Variants in RFT1 observed in about 807,000 individuals in gnomAD.
The protein encoded by RFT1 is RFT1 glycolipid translocator homolog, also known as man(5)GlcNAc(2)-PP-dolichol translocation protein RFT1.
A neutral mutation model predicts 62.2 loss-of-function variants in RFT1; 43 were observed. The ratio of observed to expected loss-of-function variants is 0.69; its 90% confidence interval spans 0.54 to 0.89. RFT1 has a LOEUF of 0.89. RFT1 is among the 40% of genes least tolerant of loss of function. The pLI is 0.00. For synonymous variants in RFT1, 262 were observed against 264.6 expected (o/e 0.99, Z 0.10); for missense variants, 605 against 649.9 (o/e 0.93, Z 0.75).
In RFT1 at chr3:53,128,527, T is replaced by C. The variant is rs562573220; in HGVS notation, c.63+1811A>G. On this transcript the variant is annotated intron_variant, in intron 1 of 12. Transcript: ENST00000296292. ...TCTGCAAAGAACTTTACAGCTTTTG[T>C]TTTAAGACAGGGTCTCACTCTGTTG... Among the ~76,000 whole-genome samples the C allele has an allele frequency of 2.6e-5, 4 of 152,284 alleles. 1 individual carries two copies. Among genetic ancestry groups the C allele is most frequent in the African/African-American group, 9.6e-5 (4 of 41,560 alleles).
chr3:53,103,611 C>T (rs964223516), intron 10 of RFT1: 8 of 365,636 alleles, frequency 2.2e-5, no homozygotes, highest in South Asian at 4.6e-5. Context: ...GACTCATTAC[C>T]GTCTGCCCTC....
chr3:53,129,200 A>G (rs555465446), intron 1 of RFT1, among the ~76,000 whole-genome samples: 1 of 152,356 alleles, frequency 6.6e-6, no homozygotes, highest in East Asian at 1.9e-4. Flanking sequence ...CATGCTTTCC[A>G]TAGGTTATCT....
At chr3:53,106,717 T>C in intron 8 of RFT1, 102 bp downstream of exon 8, 1 of 891,888 alleles carries the variant, frequency 1.1e-6, no homozygotes, top group Non-Finnish European at 1.8e-6. Flanking sequence ...TTTTCTTTAA[T>C]CTTCAGGTTC....
intron 6 of RFT1, 40 bp downstream of exon 6, chr3:53,119,844 C>T (rs1200234811): frequency 1.4e-5 from 21 of 1,543,874 alleles, no homozygotes; most frequent in African/African-American, 9.6e-5. Flanking sequence ...TAAGCAGCAC[C>T]TATGATTAAA....
chr3:53,113,918 G>A (rs1701720145), intron 6 of RFT1, among the ~76,000 whole-genome samples: 1 of 152,170 alleles, frequency 6.6e-6, no homozygotes, highest in Non-Finnish European at 1.5e-5. Context: ...CAGACACAGG[G>A]AGTGCAAGTG....
rs1357221048 is a variant in RFT1, at chr3:53,105,763, G to A, written c.867C>T (p.Ala289=). ...DIVNNLGSLV[A]RLIFQPIEES... ...CCTCTATTGGCTGGAAAATTAATCT[G>A]GCCACAAGGGAGCCAAGATTATTCA... Residue 289 remains alanine (A), a synonymous_variant, in exon 9 of 13, where the codon GCC becomes GCT. Coordinates refer to ENST00000296292, the MANE Select transcript of RFT1 (RefSeq NM_052859.4). The A allele has an allele frequency of 6.2e-7, 1 of 1,613,462 alleles. No homozygotes were observed. The highest frequency in any genetic ancestry group is 1.3e-5 in the African/African-American group (1 of 74,828).
chr3:53,092,560 T>A lies in RFT1; in HGVS notation c.1267A>T (p.Thr423Ser). 1 of 1,612,532 alleles carries A rather than the reference T, an allele frequency of 6.2e-7. No homozygotes were observed. The highest frequency in any genetic ancestry group is 8.5e-7 in the Non-Finnish European group (1 of 1,179,586). Residue 423 changes from threonine (T) to serine (S), a missense_variant, in exon 12 of 13, where the codon ACC (threonine) becomes TCC (serine). Physicochemically the swap from Thr to Ser is moderately conservative, Grantham distance 58. Transcript: ENST00000296292. ...SSFLVLSYLL[T>S]RWCGSVGFIL... ...AAGCCCACGCTGCCACACCAACGGG[T>A]CAAGAGATAGGATAACACCAGGAAT...
rs1031038370 is a variant in RFT1 at position 53,123,794 on chromosome 3, A to G, written c.196T>C (p.Phe66Leu). ...STTLFLAREA[F>L]RRACLSGGTQ... ...CCCCCACTGAGACATGCTCTGCGGA[A>G]GGCCTCTCTGGCCAGGAAGAGGGTG... Residue 66 changes from phenylalanine (F) to leucine (L), a missense_variant, in exon 3 of 13, where the codon TTC becomes CTC. Transcript: ENST00000296292. 2 of 1,614,216 alleles carry G rather than the reference A, an allele frequency of 1.2e-6. No individual in the cohort carries two copies. Among genetic ancestry groups the G allele is most frequent in the Non-Finnish European group, 1.7e-6 (2 of 1,180,020 alleles).
intron 10 of RFT1, among the ~76,000 whole-genome samples, chr3:53,100,956 G>GA (rs921163260): frequency 5.9e-4 from 82 of 137,902 alleles, no homozygotes; most frequent in African/African-American, 2.0e-3. Flanking sequence ...AACAAAGGGA[G>GA]AAAAAAAACT....
intron 1 of RFT1, among the ~76,000 whole-genome samples, chr3:53,127,952 G>A (rs765129033): frequency 6.6e-6 from 1 of 151,988 alleles, no homozygotes; most frequent in Non-Finnish European, 1.5e-5. Context: ...AGTGTAATTC[G>A]AGAAAGCATA....
chr3:53,120,091 C>A, intron 5 of RFT1, 70 bp from the exon 6 acceptor site: 4 of 1,344,066 alleles, frequency 3.0e-6, no homozygotes, highest in Non-Finnish European at 4.1e-6. Context: ...ATCTCAAAGG[C>A]CAGTCAAGTA....
chr3:53,125,851 G>T, intron 2 of RFT1, 58 bp downstream of exon 2: 1 of 1,336,732 alleles, frequency 7.5e-7, no homozygotes, highest in Non-Finnish European at 1.1e-6. Flanking sequence ...TACAGAGTTT[G>T]AAGAAAGCCT....
At chr3:53,108,174 G>C (rs1183050637) in intron 7 of RFT1, among the ~76,000 whole-genome samples, 1 of 151,948 alleles carries the variant, frequency 6.6e-6, no homozygotes, top group East Asian at 1.9e-4. Flanking sequence ...TCAGCCTCCT[G>C]AGTAGCTGGG....
intron 4 of RFT1, 103 bp downstream of exon 4, chr3:53,122,271 A>C: frequency 9.1e-7 from 1 of 1,097,890 alleles, no homozygotes; most frequent in South Asian, 1.3e-5. Context: ...TTTTAGGTGC[A>C]AGTCTGGAAA....
chr3:53,098,703 G>A (rs567196690), intron 11 of RFT1, among the ~76,000 whole-genome samples: 111 of 151,562 alleles, frequency 7.3e-4, no homozygotes, highest in African/African-American at 2.5e-3. Context: ...CTGGGAGGCT[G>A]AGGCAGGAGA....
At chr3:53,076,028 T>C in the RFT1 span, among the ~76,000 whole-genome samples, 1 of 152,192 alleles carries the variant, frequency 6.6e-6, no homozygotes, top group Non-Finnish European at 1.5e-5. Flanking sequence ...ATGGGGCATC[T>C]TACCAGGAAT....
chr3:53,091,823 G>A lies in RFT1; in HGVS notation c.*80C>T, dbSNP rs1213512944. On this transcript the variant is annotated 3_prime_UTR_variant, in exon 13 of 13. Transcript: ENST00000296292. ...ACTCCGCTGCAGAGCCCTCAGTGGG[G>A]CTCTTACACAGAATGTGTTCCACCC... The A allele has an allele frequency of 6.7e-7, 1 of 1,487,310 alleles. No individual in the cohort carries two copies. Among genetic ancestry groups the A allele is most frequent in the Non-Finnish European group, 9.4e-7 (1 of 1,068,112 alleles). 92.1% of individuals were successfully genotyped at this position (1,487,310 alleles called of 1,614,324 possible). A position where few individuals can be genotyped will look rare whatever the true frequency, so the allele number is the denominator to read the frequency against.
Position 53,111,845 on chromosome 3 carries a change from G to C in RFT1, c.760C>G (p.Gln254Glu), listed in dbSNP as rs185019792. The change falls in exon 7 of 13, where the codon CAG becomes GAG. Residue 254 changes from glutamine to glutamate, a missense_variant. Physicochemically the swap from Gln to Glu is conservative, Grantham distance 29 (BLOSUM62 2). Transcript: ENST00000296292. ...WSFFKQSFLK[Q>E]ILTEGERYVM... The stretch of plus-strand genomic sequence containing the variant: ...GTCTACTTACCTTCTGTCAAAATCT[G>C]TTTCAAGAAAGACTGTTTGAAAAAA... The C allele has an allele frequency of 6.2e-7, 1 of 1,613,790 alleles. No individual in the cohort carries two copies. The highest frequency in any genetic ancestry group is 1.3e-5 in the African/African-American group (1 of 75,012).
At chr3:53,095,707 C>T (rs957016342) in intron 11 of RFT1, among the ~76,000 whole-genome samples, 3 of 129,510 alleles carry the variant, frequency 2.3e-5, no homozygotes, top group Non-Finnish European at 4.9e-5. Flanking sequence ...CAGAGTGAGA[C>T]CCTGTCTCAA....
Sources: allele counts gnomAD v4.1 joint callset (sites outside exome capture counted in the v4.1 genomes callset), GRCh38; gene constraint gnomAD v4.1.1; transcripts MANE v1.5; gene names NCBI Gene and HGNC (gene_info 2026-07-23, HGNC 2026-07-21).